The following FOXK2 variants were observed in gnomAD, a reference collection of about 807,000 sequenced individuals.
The protein encoded by FOXK2 is forkhead box K2, also known as forkhead box protein K2.
A neutral mutation model predicts 53.3 loss-of-function variants in FOXK2; 24 were observed. The observed-to-expected ratio is 0.45, with a 90% CI of 0.33 to 0.63. FOXK2 has a LOEUF of 0.63. FOXK2 is among the 30% of genes least tolerant of loss of function. The probability of loss-of-function intolerance (pLI) is 0.03; values close to 1 mark genes in which losing one functional copy is unlikely to be tolerated. For synonymous variants in FOXK2, 505 were observed against 407.1 expected, an observed-to-expected ratio of 1.24 and a Z score of -2.89; for missense variants, 952 against 910.5, an observed-to-expected ratio of 1.05 and a Z score of -0.59.
intron 4 of FOXK2, chr17:82,578,706 T>C (rs1417425926): frequency 1.3e-5 from 2 of 152,218 alleles, no homozygotes; most frequent in Non-Finnish European, 2.9e-5. Context: ...GATTGGAGAA[T>C]AAAATAGGTT....
In FOXK2 at chr17:82,584,549, C is replaced by CTTTT. The variant is rs34083156; in HGVS notation, c.1279+383_1279+386dup. On this transcript the variant is annotated intron_variant, in intron 6 of 8. Coordinates refer to ENST00000335255, the MANE Select transcript of FOXK2 (RefSeq NM_004514.4). Reference sequence around the variant, plus strand: ...TAGACACTGGAAGCAAAAACATGTCCTTTTTTTTTTTTTTTTTTTTTTTTT... The same window carrying CTTTT: ...TAGACACTGGAAGCAAAAACATGTCCTTTTTTTTTTTTTTTTTTTTTTTTTTTTT... 2.6e-3 allele frequency among the ~76,000 whole-genome samples: 232 copies of CTTTT among 89,854 alleles called. 3 individuals are homozygous for CTTTT. The highest frequency in any genetic ancestry group is 4.7e-3 in the African/African-American group (114 of 24,458). The allele number at this position is 89,854 out of a possible 152,430, so 58.9% of individuals were successfully genotyped here.
chr17:82,584,312 C>T, intron 6 of FOXK2, 124 bp downstream of exon 6: 2 of 1,020,376 alleles, frequency 2.0e-6, no homozygotes, highest in Non-Finnish European at 2.7e-6. Flanking sequence ...TATACTAGTA[C>T]CTGATTTTAT....
At chr17:82,556,166 C>T (rs2044722571) in intron 1 of FOXK2, among the ~76,000 whole-genome samples, 2 of 152,078 alleles carry the variant, frequency 1.3e-5, no homozygotes, top group African/African-American at 4.8e-5. Flanking sequence ...AGCAAGTTGG[C>T]CGGGCACGGT....
At chr17:82,539,283 G>A (rs561996775) in intron 1 of FOXK2, among the ~76,000 whole-genome samples, 12 of 145,712 alleles carry the variant, frequency 8.2e-5, no homozygotes, top group African/African-American at 3.1e-4. Flanking sequence ...GTGGCCGGGC[G>A]TGGTGGCTCA....
intron 1 of FOXK2, among the ~76,000 whole-genome samples, 164 bp from the exon 2 acceptor site, chr17:82,563,190 T>C (rs2044815962): frequency 6.6e-6 from 1 of 152,070 alleles, no homozygotes; most frequent in Admixed American, 6.6e-5. Context: ...AGCACCTTAG[T>C]TGTGGTTTTG....
In FOXK2 at chr17:82,597,118, G is replaced by A. The variant is rs560130345; in HGVS notation, c.1787-4185G>A. On this transcript the variant is annotated intron_variant, in intron 8 of 8. Transcript: ENST00000335255. ...AGCCGTGACTCCCTGTAACACACCC[G>A]TGTCGACACAGGTCACGTGGGCCCG... 9.2e-5 allele frequency among the ~76,000 whole-genome samples: 14 copies of A among 152,300 alleles called. No individual in the cohort carries two copies. In the East Asian group the frequency reaches 1.9e-3, roughly 21 times the overall value.
At position 82,601,320 on chromosome 17, in the gene FOXK2, C is replaced by T; in HGVS notation, c.1804C>T (p.His602Tyr). The change falls in exon 9 of 9, where the codon CAC becomes TAC. Residue 602 changes from histidine (H) to tyrosine (Y), a missense_variant. Physicochemically the swap from His to Tyr is moderately conservative, Grantham distance 83. Coordinates refer to ENST00000335255, the MANE Select transcript of FOXK2 (RefSeq NM_004514.4). ...CATTTCAGCCGCGGCGAGTCCTTTG[C>T]ACATGTTGGCAACACACGCATCCGC... ...QVNNAAASPL[H>Y]MLATHASASA... 6.2e-7 allele frequency: 1 copy of T among 1,612,608 alleles called. No individual in the cohort carries two copies. Among genetic ancestry groups the T allele is most frequent in the Middle Eastern group, 2.0e-4 (1 of 5,022 alleles).
intron 1 of FOXK2, among the ~76,000 whole-genome samples, chr17:82,530,513 T>C (rs1567964504): frequency 6.8e-6 from 1 of 146,624 alleles, no homozygotes; most frequent in Admixed American, 6.8e-5. Context: ...CTGATGTGTT[T>C]TTTTTTTTTT....
intron 1 of FOXK2, among the ~76,000 whole-genome samples, chr17:82,541,006 C>T (rs922764244): frequency 2.0e-5 from 3 of 152,044 alleles, no homozygotes; most frequent in Non-Finnish European, 4.4e-5. Context: ...GTGTGTGTGG[C>T]GTGTGGCTGC....
At chr17:82,591,643 A>G (rs2045253827) in intron 8 of FOXK2, among the ~76,000 whole-genome samples, 1 of 152,202 alleles carries the variant, frequency 6.6e-6, no homozygotes, top group Non-Finnish European at 1.5e-5. Flanking sequence ...AAACGCTCCC[A>G]AGTCTCCCTG....
intron 6 of FOXK2, 85 bp from the exon 7 acceptor site, chr17:82,585,819 T>C (rs1321028793): frequency 2.9e-6 from 4 of 1,356,448 alleles, no homozygotes; most frequent in Non-Finnish European, 4.1e-6. Flanking sequence ...AAAGTTTGTA[T>C]GTTGCTTGTC....
At chr17:82,552,515 C>T (rs113983908) in intron 1 of FOXK2, among the ~76,000 whole-genome samples, 50 of 149,158 alleles carry the variant, frequency 3.4e-4, no homozygotes, top group African/African-American at 1.2e-3. Flanking sequence ...TCGCTTTAAT[C>T]CTCTTCTATG....
chr17:82,537,334 G>A (rs546461001), intron 1 of FOXK2, among the ~76,000 whole-genome samples: 27 of 152,102 alleles, frequency 1.8e-4, no homozygotes, highest in Non-Finnish European at 3.1e-4. Flanking sequence ...CATTTAGACC[G>A]TAAAAGTGGA....
intron 1 of FOXK2, among the ~76,000 whole-genome samples, chr17:82,527,984 C>T (rs1163688319): frequency 6.6e-6 from 1 of 151,784 alleles, no homozygotes. Flanking sequence ...TTTTTTTGGA[C>T]GTGGGGTCTC....
At chr17:82,591,650 C>T (rs1270868547) in intron 8 of FOXK2, among the ~76,000 whole-genome samples, 1 of 152,200 alleles carries the variant, frequency 6.6e-6, no homozygotes, top group African/African-American at 2.4e-5. Flanking sequence ...CCCAAGTCTC[C>T]CTGGCAGGGA....
intron 1 of FOXK2, among the ~76,000 whole-genome samples, chr17:82,562,962 C>T (rs1281883439): frequency 1.3e-5 from 2 of 151,986 alleles, no homozygotes; most frequent in Non-Finnish European, 2.9e-5. Context: ...TGCACCACCA[C>T]GCCTGGCTAA....
chr17:82,587,375 T>C (rs1252560894), intron 8 of FOXK2, 103 bp downstream of exon 8: 2 of 883,246 alleles, frequency 2.3e-6, no homozygotes, highest in South Asian at 2.9e-5. Flanking sequence ...TTAGCTTTTG[T>C]CTGAGGCAAT....
intron 2 of FOXK2, among the ~76,000 whole-genome samples, chr17:82,567,071 A>AG (rs534329215): frequency 9.8e-5 from 15 of 152,292 alleles, no homozygotes; most frequent in Admixed American, 8.5e-4. Flanking sequence ...AGCACTGCAG[A>AG]GGGTACAAGG....
intron 1 of FOXK2, among the ~76,000 whole-genome samples, chr17:82,523,015 G>C (rs1198988381): frequency 6.6e-6 from 1 of 152,038 alleles, no homozygotes; most frequent in South Asian, 2.1e-4. Flanking sequence ...GGATGGTCTT[G>C]ATCTCCTGAC....
Sources: allele counts gnomAD v4.1 joint callset (sites outside exome capture counted in the v4.1 genomes callset), GRCh38; gene constraint gnomAD v4.1.1; transcripts MANE v1.5; gene names NCBI Gene and HGNC (gene_info 2026-07-23, HGNC 2026-07-21).